Variants in NRXN1 observed in about 807,000 individuals in gnomAD.
NRXN1 encodes neurexin-1.
Under a neutral mutation model 150.9 loss-of-function variants are expected in NRXN1, and 39 were observed. The observed-to-expected ratio is 0.26, with a 90% confidence interval of 0.20 to 0.34. The LOEUF (loss-of-function observed/expected upper bound fraction) is 0.34, where lower values mean the gene tolerates loss of function less well. Among genes scored for constraint, NRXN1 ranks in the 10% least tolerant of loss-of-function variants. The pLI, the probability that NRXN1 is intolerant of heterozygous loss-of-function variation, is 1.00. For missense variants in NRXN1, 1,815 were observed against 1,949.9 expected, an observed-to-expected ratio of 0.93 and a Z score of 1.30; for synonymous variants, 924 against 757.0, an observed-to-expected ratio of 1.22 and a Z score of -3.62.
chr2:50,200,882 C>G (rs1333446074), intron 18 of NRXN1, among the ~76,000 whole-genome samples: 1 of 151,866 alleles, frequency 6.6e-6, no homozygotes, highest in Non-Finnish European at 1.5e-5. Context: ...TTCTTTTTTT[C>G]ATTTTTCTTG....
intron 5 of NRXN1, chr2:50,631,069 A>G (rs1682228027): frequency 2.2e-6 from 1 of 447,938 alleles, no homozygotes; most frequent in Non-Finnish European, 4.6e-6. Flanking sequence ...AATTAAAACA[A>G]TAAATTGATT....
chr2:50,630,769 CAAAT>C (rs1682156453), intron 5 of NRXN1, among the ~76,000 whole-genome samples: 1 of 151,518 alleles, frequency 6.6e-6, no homozygotes, highest in Non-Finnish European at 1.5e-5. Context: ...TATGAAAAAA[CAAAT>C]GAATGAAAAA....
intron 22 of NRXN1, among the ~76,000 whole-genome samples, chr2:49,924,325 T>G (rs1668716815): frequency 6.6e-6 from 1 of 152,210 alleles, no homozygotes; most frequent in Non-Finnish European, 1.5e-5. Flanking sequence ...GAGATAACAT[T>G]TGAATCATTT....
intron 2 of NRXN1, 116 bp from the exon 3 acceptor site, chr2:50,926,071 G>A (rs1186140173): frequency 3.9e-6 from 3 of 775,162 alleles, no homozygotes; most frequent in Non-Finnish European, 6.8e-6. Context: ...CATCATGCAA[G>A]TGCTCCATCA....
At chr2:50,586,022 G>A (rs1673040449) in intron 8 of NRXN1, among the ~76,000 whole-genome samples, 1 of 152,180 alleles carries the variant, frequency 6.6e-6, no homozygotes, top group South Asian at 2.1e-4. Context: ...TGACATGTCT[G>A]TTATTTGAAG....
intron 5 of NRXN1, among the ~76,000 whole-genome samples, chr2:50,808,804 A>G (rs1379944700): frequency 6.6e-6 from 1 of 152,118 alleles, no homozygotes; most frequent in Non-Finnish European, 1.5e-5. Flanking sequence ...AGATCACCCT[A>G]CTGCCTCACT....
At chr2:50,881,663 G>A (rs570803263) in intron 5 of NRXN1, among the ~76,000 whole-genome samples, 1 of 151,978 alleles carries the variant, frequency 6.6e-6, no homozygotes, top group East Asian at 2.0e-4. Flanking sequence ...AGTGGAATCA[G>A]GGGCTGGACC....
At chr2:50,602,772 C>G (rs538299025) in intron 8 of NRXN1, among the ~76,000 whole-genome samples, 1 of 152,174 alleles carries the variant, frequency 6.6e-6, no homozygotes, top group Non-Finnish European at 1.5e-5. Context: ...TGTTTTGAAT[C>G]TCATCCATCT....
chr2:50,984,909 C>A (rs1196049508), intron 2 of NRXN1, among the ~76,000 whole-genome samples: 2 of 152,046 alleles, frequency 1.3e-5, no homozygotes, highest in African/African-American at 4.8e-5. Flanking sequence ...CTTTATAGAT[C>A]TAGAACTCTT....
intron 22 of NRXN1, among the ~76,000 whole-genome samples, chr2:49,927,445 T>C (rs1346322013): frequency 2.0e-5 from 3 of 152,348 alleles, no homozygotes; most frequent in Admixed American, 6.5e-5. Flanking sequence ...CCTTAGCATA[T>C]GCAAACAGAA....
At chr2:50,401,441 C>G (rs149918055) in intron 17 of NRXN1, among the ~76,000 whole-genome samples, 35 of 152,160 alleles carry the variant, frequency 2.3e-4, no homozygotes, top group African/African-American at 7.5e-4. Context: ...TAACTGGGGA[C>G]TTGGCTTCTT....
intron 18 of NRXN1, among the ~76,000 whole-genome samples, chr2:50,122,361 A>C (rs1034902443): frequency 2.0e-5 from 3 of 152,204 alleles, no homozygotes; most frequent in Admixed American, 2.0e-4. Context: ...ATTTCTCCCT[A>C]AGGAGCTGTA....
At chr2:49,927,307 C>G (rs991568711) in intron 22 of NRXN1, among the ~76,000 whole-genome samples, 2 of 152,124 alleles carry the variant, frequency 1.3e-5, no homozygotes, top group African/African-American at 4.8e-5. Context: ...TTTGGCAAAA[C>G]AAATAATATT....
intron 9 of NRXN1, 105 bp from the exon 10 acceptor site, chr2:50,538,741 C>A: frequency 1.1e-6 from 1 of 879,782 alleles, no homozygotes; most frequent in Non-Finnish European, 1.6e-6. Context: ...TGGAGGCAGA[C>A]AATTATTATT....
intron 9 of NRXN1, among the ~76,000 whole-genome samples, chr2:50,550,523 A>G (rs1484884483): frequency 2.6e-5 from 4 of 151,552 alleles, no homozygotes; most frequent in African/African-American, 9.8e-5. Flanking sequence ...TGCCCACGCC[A>G]CTTCAAAATT....
chr2:50,630,025 T>C (rs1681975530), intron 5 of NRXN1, among the ~76,000 whole-genome samples: 1 of 151,588 alleles, frequency 6.6e-6, no homozygotes, highest in South Asian at 2.1e-4. Flanking sequence ...ATCTTTCCAA[T>C]AGTCTACAAC....
At chr2:50,476,384 C>T (rs1380294019) in intron 15 of NRXN1, among the ~76,000 whole-genome samples, 10 of 152,120 alleles carry the variant, frequency 6.6e-5, no homozygotes, top group Non-Finnish European at 1.5e-4. Flanking sequence ...CTGCCACCTA[C>T]TGGCTGTCTC....
At chr2:50,296,184 G>T (rs1281891330) in intron 17 of NRXN1, among the ~76,000 whole-genome samples, 1 of 152,078 alleles carries the variant, frequency 6.6e-6, no homozygotes, top group African/African-American at 2.4e-5. Flanking sequence ...ATTATAGATT[G>T]ATTACATTTA....
intron 17 of NRXN1, among the ~76,000 whole-genome samples, chr2:50,367,122 A>C (rs1032480899): frequency 6.6e-6 from 1 of 151,960 alleles, no homozygotes; most frequent in South Asian, 2.1e-4. Flanking sequence ...AGGAAAGTTA[A>C]GGTACTTTCT....
Sources: allele counts gnomAD v4.1 joint callset (sites outside exome capture counted in the v4.1 genomes callset), GRCh38; gene constraint gnomAD v4.1.1; transcripts MANE v1.5; gene names NCBI Gene and HGNC (gene_info 2026-07-23, HGNC 2026-07-21).